GFPT2: variants seen among roughly 807,000 people sequenced by gnomAD.
GFPT2 encodes glutamine--fructose-6-phosphate transaminase 2, also known as glutamine--fructose-6-phosphate aminotransferase [isomerizing] 2.
A neutral mutation model predicts 85.6 loss-of-function variants in GFPT2; 62 were observed. The ratio of observed to expected loss-of-function variants is 0.72; its 90% confidence interval spans 0.59 to 0.90. The LOEUF (loss-of-function observed/expected upper bound fraction) is 0.90. GFPT2 is among the 40% of genes least tolerant of loss of function. GFPT2 has a pLI of 0.00. For missense variants in GFPT2, 788 were observed against 893.4 expected, an observed-to-expected ratio of 0.88 and a Z score of 1.50; for synonymous variants, 368 against 344.5, an observed-to-expected ratio of 1.07 and a Z score of -0.75.
chr5:180,341,542 T>TA (rs1272996856), intron 1 of GFPT2, among the ~76,000 whole-genome samples: 2 of 152,254 alleles, frequency 1.3e-5, no homozygotes, highest in Non-Finnish European at 1.5e-5. Context: ...AAATTATACT[T>TA]AAATTCTTAC....
rs1023903548 is a variant in GFPT2 at position 180,323,264 on chromosome 5, C to T, written c.794+924G>A. 2.0e-5 allele frequency among the ~76,000 whole-genome samples: 3 copies of T among 152,132 alleles called. No individual in the cohort carries two copies. The highest frequency in any genetic ancestry group is 4.4e-5 in the Non-Finnish European group (3 of 68,036). ...GTTCTAAGGGGCACCATTTGGGAAG[C>T]GCTGCCTTGACCTCAGCGTTAAGTA... is the stretch of plus-strand genomic sequence containing the variant. On this transcript the variant is annotated intron_variant, in intron 9 of 18. Coordinates refer to ENST00000253778, the MANE Select transcript of GFPT2 (RefSeq NM_005110.4). This position sits in a 1 kb window ranked among gnomAD's most constrained non-coding sequence, Gnocchi z 4.0.
At position 180,331,567 on chromosome 5, in the gene GFPT2, TAA is replaced by T. The variant is rs1295699523; in HGVS notation, c.341-16_341-15del. ...TGACAACAAATTCTGAAAGAAAAGT[TAA>T]GAGAGAAATGCTATTGAGAAGGAGG... On this transcript the variant is annotated splice_polypyrimidine_tract_variant and intron_variant, in intron 4 of 18. Coordinates refer to ENST00000253778, the MANE Select transcript of GFPT2 (RefSeq NM_005110.4). 6.7e-7 allele frequency: 1 copy of T among 1,502,234 alleles called. No individual in the cohort carries two copies. The highest frequency in any genetic ancestry group is 1.7e-5 in the Admixed American group (1 of 59,852). The allele number at this position is 1,502,234 out of a possible 1,614,324, so 93.1% of individuals were successfully genotyped here.
At chr5:180,309,971 C>T (rs1419219023) in intron 15 of GFPT2, among the ~76,000 whole-genome samples, 63 of 151,556 alleles carry the variant, frequency 4.2e-4, no homozygotes, top group Non-Finnish European at 8.8e-5. Context: ...CCACCACGCC[C>T]GGCTAATTTT....
rs1399060617 is a variant in GFPT2, at chr5:180,328,270, G to A, written c.596+7C>T. The A allele has an allele frequency of 1.9e-6, 3 of 1,598,282 alleles. No homozygotes were observed. On this transcript the variant is annotated splice_region_variant and intron_variant, in intron 7 of 18. Transcript: ENST00000253778. The surrounding 1 kb of genome is among the most constrained non-coding windows in gnomAD (Gnocchi z 5.4). Reference sequence around the variant, plus strand: ...CTTATGGGAAATGCCAGTGTGTTTTGCCTCACCGTGTGGCAACGGCTTCTC... The same window carrying A: ...CTTATGGGAAATGCCAGTGTGTTTTACCTCACCGTGTGGCAACGGCTTCTC...
At chr5:180,324,367 C>A in intron 8 of GFPT2, 62 bp from the exon 9 acceptor site, 2 of 952,592 alleles carry the variant, frequency 2.1e-6, no homozygotes, top group South Asian at 1.5e-5. Context: ...TAATATGCAG[C>A]AAGGAACCAA....
Position 180,353,250 on chromosome 5 carries a change from A to AGG in GFPT2, c.-35_-34dup. The AGG allele has an allele frequency of 8.1e-7, 1 of 1,239,950 alleles. No homozygotes were observed. 76.8% of individuals were successfully genotyped at this position (1,239,950 alleles called of 1,614,324 possible). Reference sequence around the variant, plus strand: ...GCTTCTCGGGCTCCTTCGCGGCTCGAGGGGGTCTGCCCGTTCGGACGCTGG... The same window carrying AGG: ...GCTTCTCGGGCTCCTTCGCGGCTCGAGGGGGGGTCTGCCCGTTCGGACGCTGG... On this transcript the variant is annotated 5_prime_UTR_variant, in exon 1 of 19. Coordinates refer to ENST00000253778, the MANE Select transcript of GFPT2 (RefSeq NM_005110.4).
rs556029174 is a variant in GFPT2, at chr5:180,311,412, G to C, written c.1546+1018C>G. ...TATATGTGGTGGATGAATGAAGAAA[G>C]GGGAGGCCACGGTCCCCAAGGAGGT... On this transcript the variant is annotated intron_variant, in intron 15 of 18. Coordinates refer to ENST00000253778, the MANE Select transcript of GFPT2 (RefSeq NM_005110.4). 2.0e-5 allele frequency among the ~76,000 whole-genome samples: 3 copies of C among 152,220 alleles called. No homozygotes were observed. The South Asian group carries it at 6.2e-4, about 31-fold the overall frequency.
intron 9 of GFPT2, among the ~76,000 whole-genome samples, chr5:180,321,815 G>A (rs528918942): frequency 1.3e-4 from 20 of 152,282 alleles, no homozygotes; most frequent in East Asian, 5.8e-4. Context: ...ACGGAGTCTC[G>A]CTCTGTTGCC....
chr5:180,336,205 A>G (rs1764391710), intron 3 of GFPT2: 1 of 576,970 alleles, frequency 1.7e-6, no homozygotes, highest in African/African-American at 1.9e-5. Context: ...TATCCCTACC[A>G]TAAACAGAGA....
rs1388614696 is a variant in GFPT2 at position 180,318,744 on chromosome 5, G to A, written c.958+49C>T. 6.5e-7 allele frequency: 1 copy of A among 1,533,472 alleles called. No individual in the cohort carries two copies. Among genetic ancestry groups the A allele is most frequent in the Non-Finnish European group, 9.0e-7 (1 of 1,112,944 alleles). The allele number at this position is 1,533,472 out of a possible 1,614,324, so 95.0% of individuals were successfully genotyped here. On this transcript the variant is annotated intron_variant, in intron 10 of 18. Transcript: ENST00000253778. This position sits in a 1 kb window ranked among gnomAD's most constrained non-coding sequence, Gnocchi z 4.2. ...GGCAGAGTGTCAGGAGCTCCACCAGGCGCGCTGGCTCCCGAGGCTGCCGCA... is the reference window on the plus strand; with the variant it reads ...GGCAGAGTGTCAGGAGCTCCACCAGACGCGCTGGCTCCCGAGGCTGCCGCA...
intron 9 of GFPT2, among the ~76,000 whole-genome samples, chr5:180,322,747 A>G (rs1561877635): frequency 6.6e-6 from 1 of 152,068 alleles, no homozygotes; most frequent in Admixed American, 6.6e-5. Context: ...AAAAAAAAAG[A>G]AACATCTGGA....
Position 180,338,534 on chromosome 5 carries a change from T to C in GFPT2, c.74A>G (p.Lys25Arg). 4 of 1,612,608 alleles carry C rather than the reference T, an allele frequency of 2.5e-6. No homozygotes were observed. Among genetic ancestry groups the C allele is most frequent in the Non-Finnish European group, 2.5e-6 (3 of 1,178,664 alleles). ...TCTGTACTCCAGCCGCTGCAGGCCC[T>C]TGATGAGGGTTTCGAAGATCTCCTT... ...TRKEIFETLIKGLQRLEYRGY... is the reference protein window; with the variant it reads ...TRKEIFETLIRGLQRLEYRGY... Residue 25 changes from lysine (K) to arginine (R), a missense_variant, in exon 2 of 19, where the codon AAG becomes AGG. Physicochemically the swap from Lys to Arg is conservative, Grantham distance 26. Transcript: ENST00000253778.
Position 180,331,489 on chromosome 5 carries a change from T to A in GFPT2, c.399+6A>T, listed in dbSNP as rs771959664. 3.2e-6 allele frequency: 5 copies of A among 1,538,770 alleles called. No individual in the cohort carries two copies. Among genetic ancestry groups the A allele is most frequent in the South Asian group, 2.2e-5 (2 of 89,542 alleles). On this transcript the variant is annotated splice_donor_region_variant and intron_variant, in intron 5 of 18. Coordinates refer to ENST00000253778, the MANE Select transcript of GFPT2 (RefSeq NM_005110.4). ...ACTGAGACATCACCTAGGGGAAGCATCTTACCAGAAATTTCCTCAGATCTT... is the reference window on the plus strand; with the variant it reads ...ACTGAGACATCACCTAGGGGAAGCAACTTACCAGAAATTTCCTCAGATCTT...
intron 13 of GFPT2, 44 bp downstream of exon 13, chr5:180,316,297 A>G (rs1392100579): frequency 6.2e-6 from 10 of 1,608,890 alleles, no homozygotes; most frequent in Middle Eastern, 1.7e-4. Flanking sequence ...GAGAGCCCAG[A>G]GCTGACCTGA....
chr5:180,343,249 C>G (rs1485248985), intron 1 of GFPT2, among the ~76,000 whole-genome samples: 1 of 152,226 alleles, frequency 6.6e-6, no homozygotes, highest in Non-Finnish European at 1.5e-5. Flanking sequence ...AGCTCCCCCA[C>G]CTCCCAGCCA....
intron 1 of GFPT2, among the ~76,000 whole-genome samples, chr5:180,347,867 C>A (rs1477548852): frequency 6.6e-6 from 1 of 152,140 alleles, no homozygotes; most frequent in Non-Finnish European, 1.5e-5. Flanking sequence ...GGGGAAGACA[C>A]CACTTCGCAG....
At chr5:180,312,297 G>A in intron 15 of GFPT2, 133 bp downstream of exon 15, 1 of 651,068 alleles carries the variant, frequency 1.5e-6, no homozygotes, top group Middle Eastern at 2.5e-4. Context: ...CTCCAGGAGG[G>A]AGTTGGGGAA....
At chr5:180,340,636 C>T (rs1202548146) in intron 1 of GFPT2, among the ~76,000 whole-genome samples, 8 of 151,904 alleles carry the variant, frequency 5.3e-5, no homozygotes, top group East Asian at 1.9e-4. Context: ...CTCAGCCTCC[C>T]GAGTAGCTGG....
At position 180,316,755 on chromosome 5, in the gene GFPT2, CACACTT is replaced by C. The variant is rs748939283; in HGVS notation, c.1152+3_1152+8del. On this transcript the variant is annotated splice_donor_5th_base_variant and intron_variant, in intron 12 of 18. Transcript: ENST00000253778. ...CGTCGACTTCCCCACGCACATGTGT[CACACTT>C]ACAGCCACGGCAGCGTGGTAGCTGG... 4 of 1,596,640 alleles carry C rather than the reference CACACTT, an allele frequency of 2.5e-6. No individual in the cohort carries two copies. Among genetic ancestry groups the C allele is most frequent in the African/African-American group, 1.3e-5 (1 of 74,568 alleles).
Sources: allele counts gnomAD v4.1 joint callset (sites outside exome capture counted in the v4.1 genomes callset), GRCh38; gene constraint gnomAD v4.1.1; non-coding constraint Gnocchi (gnomAD v3.1); transcripts MANE v1.5; gene names NCBI Gene and HGNC (gene_info 2026-07-23, HGNC 2026-07-21).